Variants in CROCC2 observed in about 807,000 individuals in gnomAD.
The protein encoded by CROCC2 is ciliary rootlet coiled-coil, rootletin family member 2.
In CROCC2, 163 loss-of-function variants were observed where a neutral mutation model predicts 177.6. The ratio of observed to expected loss-of-function variants is 0.92; its 90% CI spans 0.81 to 1.05. CROCC2 has a LOEUF of 1.05. Among genes scored for constraint, CROCC2 ranks in the 50% least tolerant of loss-of-function variants. The pLI, the probability that CROCC2 is intolerant of heterozygous loss-of-function variation, is 0.00. For synonymous variants in CROCC2, 904 were observed against 787.3 expected, an observed-to-expected ratio of 1.15 and a Z score of -2.48; for missense variants, 1,929 against 1,797.8, an observed-to-expected ratio of 1.07 and a Z score of -1.32.
At chr2:240,963,845 G>A in intron 21 of CROCC2, 72 bp downstream of exon 21, 1 of 1,474,548 alleles carries the variant, frequency 6.8e-7, no homozygotes, top group Non-Finnish European at 9.2e-7. Context: ...AGGGAGGATG[G>A]GGCAAGGGGG....
At chr2:240,920,726 G>A (rs1159683230) in intron 3 of CROCC2, among the ~76,000 whole-genome samples, 1 of 152,252 alleles carries the variant, frequency 6.6e-6, no homozygotes, top group Non-Finnish European at 1.5e-5. Context: ...GACCTGTGAG[G>A]TGAGCAAGAG....
chr2:240,922,542 C>A lies in CROCC2; in HGVS notation c.385C>A (p.Gln129Lys). ...SRCRVVSEQL[Q>K]ARLETTEAQL... ...GTGGGCTATTGCTCCTCCCCAGCTG[C>A]AGGCCCGGCTGGAGACCACCGAGGC... Residue 129 changes from glutamine to lysine, a missense_variant, in exon 4 of 32, where the codon CAG (glutamine) becomes AAG (lysine). By Grantham distance (53) the Gln-to-Lys change is moderately conservative. Around this residue, in one of 3 missense-constraint regions of CROCC2, gnomAD observed 1,397 missense variants for 1,239.9 expected, o/e 1.13. Coordinates refer to ENST00000690015, the MANE Select transcript of CROCC2 (RefSeq NM_001351305.2). 1.4e-6 allele frequency: 1 copy of A among 694,856 alleles called. No individual in the cohort carries two copies. Among genetic ancestry groups the A allele is most frequent in the African/African-American group, 1.8e-5 (1 of 56,528 alleles). 43.0% of individuals were successfully genotyped at this position (694,856 alleles called of 1,614,324 possible).
intron 27 of CROCC2, among the ~76,000 whole-genome samples, 162 bp downstream of exon 27, chr2:240,968,424 G>A (rs1281332091): frequency 6.6e-6 from 1 of 152,196 alleles, no homozygotes; most frequent in Non-Finnish European, 1.5e-5. Flanking sequence ...GTGGGGCCCT[G>A]GGGCAGAGGT....
At chr2:240,936,476 A>G (rs2059471406) in intron 14 of CROCC2, among the ~76,000 whole-genome samples, 1 of 152,192 alleles carries the variant, frequency 6.6e-6, no homozygotes. Context: ...CTCTCTCAGC[A>G]TCATGTCTTG....
chr2:240,920,188 G>C, intron 3 of CROCC2, 54 bp downstream of exon 3: 1 of 606,932 alleles, frequency 1.6e-6, no homozygotes, highest in Admixed American at 2.8e-5. Context: ...CTGGCCCTTC[G>C]TGAGGGGTCA....
chr2:240,953,420 C>CA lies in CROCC2; in HGVS notation c.2830-2428dup, dbSNP rs5839784. Among the ~76,000 whole-genome samples the CA allele has an allele frequency of 0.64, 93,063 of 146,424 alleles. 29,379 individuals carry two copies. The highest frequency in any genetic ancestry group is 0.66 in the African/African-American group (26,542 of 39,970). On this transcript the variant is annotated intron_variant, in intron 18 of 31. Coordinates refer to ENST00000690015, the MANE Select transcript of CROCC2 (RefSeq NM_001351305.2). This position sits in a 1 kb window ranked among gnomAD's most constrained non-coding sequence, Gnocchi z 4.0. The stretch of plus-strand genomic sequence containing the variant: ...TGGGTGACAGAGTGAGACTCTGTCT[C>CA]AAAAAAAAAAACAGGAGCACAGGCT...
chr2:240,921,451 G>A (rs2059356555), intron 3 of CROCC2, among the ~76,000 whole-genome samples: 2 of 152,216 alleles, frequency 1.3e-5, no homozygotes, highest in African/African-American at 2.4e-5. Context: ...CCTTGGGGGA[G>A]GCATCTTCCT....
At chr2:240,991,365 G>T in intron 31 of CROCC2, 87 bp downstream of exon 31, 1 of 1,204,522 alleles carries the variant, frequency 8.3e-7, no homozygotes, top group South Asian at 1.6e-5. Context: ...AGGTGCTGGA[G>T]GCCCTAGGCT....
chr2:240,933,806 G>A lies in CROCC2; in HGVS notation c.1600G>A (p.Glu534Lys). The A allele has an allele frequency of 6.5e-7, 1 of 1,548,600 alleles. No individual in the cohort carries two copies. Among genetic ancestry groups the A allele is most frequent in the South Asian group, 1.2e-5 (1 of 83,978 alleles). The change falls in exon 11 of 32, where the codon GAG (glutamate) becomes AAG (lysine). Residue 534 changes from glutamate to lysine, a missense_variant. By Grantham distance (56) the Glu-to-Lys change is moderately conservative. Coordinates refer to ENST00000690015, the MANE Select transcript of CROCC2 (RefSeq NM_001351305.2). ...SLLLQAERRE[E>K]LALRRERSCR... ...CCTGCTGCAGGCAGAGCGGAGGGAG[G>A]AGCTGGCTCTGCGGAGGGAGCGGAG...
intron 5 of CROCC2, among the ~76,000 whole-genome samples, chr2:240,927,273 G>A (rs980953958): frequency 9.9e-5 from 15 of 152,142 alleles, no homozygotes; most frequent in Admixed American, 2.0e-4. Context: ...TTGTGTCTGC[G>A]TGTAGATTTA....
At chr2:240,986,290 G>A (rs1393325285) in intron 28 of CROCC2, among the ~76,000 whole-genome samples, 1 of 152,172 alleles carries the variant, frequency 6.6e-6, no homozygotes, top group African/African-American at 2.4e-5. Flanking sequence ...CCTCCCTCTG[G>A]ACCGGATGCT....
rs906825636 is a variant in CROCC2 at position 240,946,168 on chromosome 2, T to A, written c.2278T>A (p.Ser760Thr). ...AGCCCTGCAAGGAAAGGATGCTCTG[T>A]CTGAGGAGCGGGCCCAGCTGCTGGC... is the stretch of plus-strand genomic sequence containing the variant. Reference protein sequence around the residue: ...QQALQGKDALSEERAQLLAKQ... With the variant: ...QQALQGKDALTEERAQLLAKQ... The change falls in exon 15 of 32, where the codon TCT (serine) becomes ACT (threonine). Residue 760 changes from serine to threonine, a missense_variant. Ser to Thr is a moderately conservative substitution (Grantham distance 58, BLOSUM62 1). Transcript: ENST00000690015. 1 of 1,548,536 alleles carries A rather than the reference T, an allele frequency of 6.5e-7. No homozygotes were observed. Among genetic ancestry groups the A allele is most frequent in the Non-Finnish European group, 8.7e-7 (1 of 1,145,270 alleles).
intron 20 of CROCC2, among the ~76,000 whole-genome samples, chr2:240,962,066 A>G (rs1173782645): frequency 1.7e-5 from 2 of 120,560 alleles, no homozygotes; most frequent in Non-Finnish European, 3.5e-5. Context: ...ACTCACACTC[A>G]CACGCACTCA....
chr2:240,992,091 T>G (rs1332628047), intron 31 of CROCC2, among the ~76,000 whole-genome samples: 1 of 152,224 alleles, frequency 6.6e-6, no homozygotes, highest in East Asian at 1.9e-4. Context: ...GGACTCCGGC[T>G]GGGTTGCTAT....
chr2:240,967,838 G>A (rs187700227), intron 26 of CROCC2, among the ~76,000 whole-genome samples: 8 of 151,792 alleles, frequency 5.3e-5, no homozygotes, highest in African/African-American at 1.9e-4. Flanking sequence ...GCTCTCCCCG[G>A]GCAGGCCCTG....
At chr2:240,929,544 A>C (rs2059414920) in intron 5 of CROCC2, 4 of 400,572 alleles carry the variant, frequency 1.0e-5, no homozygotes, top group South Asian at 1.8e-5. Context: ...GCTCCGTTAC[A>C]GCCTAATCAC....
chr2:240,983,524 C>T (rs898750049), intron 28 of CROCC2: 2 of 1,251,754 alleles, frequency 1.6e-6, no homozygotes, highest in African/African-American at 3.2e-5. Context: ...CGCTGCGCAC[C>T]GAGCGGGCGC....
chr2:240,966,753 G>A (rs1470137561), intron 25 of CROCC2, among the ~76,000 whole-genome samples: 1 of 152,106 alleles, frequency 6.6e-6, no homozygotes, highest in Non-Finnish European at 1.5e-5. Flanking sequence ...TCCCCTCAAT[G>A]CTCCCAAAGA....
rs2059400492 is a variant in CROCC2 at position 240,927,175 on chromosome 2, T to C, written c.645+1295T>C. On this transcript the variant is annotated intron_variant, in intron 5 of 31. Transcript: ENST00000690015. ...GTCAGCTTCCAGGCTGCCTGGATTC[T>C]GACTGGCTCCTTATCGAAGTAACAT... 2.6e-5 allele frequency among the ~76,000 whole-genome samples: 4 copies of C among 152,368 alleles called. No individual in the cohort carries two copies. The South Asian group carries it at 6.2e-4, about 24-fold the overall frequency.
Sources: allele counts gnomAD v4.1 joint callset (sites outside exome capture counted in the v4.1 genomes callset), GRCh38; gene constraint gnomAD v4.1.1; regional missense constraint gnomAD v4.1.1; non-coding constraint Gnocchi (gnomAD v3.1); transcripts MANE v1.5; gene names NCBI Gene and HGNC (gene_info 2026-07-23, HGNC 2026-07-21).